Variants in GAS2 observed in about 807,000 individuals in gnomAD.
GAS2 encodes growth arrest specific 2, also known as growth arrest-specific protein 2.
GAS2 carries 20 observed loss-of-function variants against 37.5 expected under a neutral mutation model. The observed-to-expected ratio is 0.53, with a 90% CI of 0.37 to 0.77. The LOEUF (loss-of-function observed/expected upper bound fraction) is 0.77, where lower values mean the gene tolerates loss of function less well. Among genes scored for constraint, GAS2 ranks in the 30% least tolerant of loss-of-function variants. GAS2 has a pLI of 0.00. For missense variants in GAS2, 336 were observed against 373.4 expected (o/e 0.90, Z 0.82); for synonymous variants, 144 against 132.2 (o/e 1.09, Z -0.61).
intron 7 of GAS2, among the ~76,000 whole-genome samples, chr11:22,781,734 G>A (rs1468815979): frequency 6.6e-6 from 1 of 150,456 alleles, no homozygotes. Flanking sequence ...ACATTATAAG[G>A]TCCAAAAAAT....
intron 3 of GAS2, among the ~76,000 whole-genome samples, chr11:22,718,167 A>G (rs573358642): frequency 1.2e-4 from 19 of 152,204 alleles, no homozygotes; most frequent in South Asian, 6.2e-4. Context: ...ACACTTACAC[A>G]CGCATGTTTA....
chr11:22,684,157 C>T lies in GAS2; in HGVS notation c.146-1511C>T, dbSNP rs760550497. On this transcript the variant is annotated intron_variant, in intron 2 of 7. Coordinates refer to ENST00000454584, the MANE Select transcript of GAS2 (RefSeq NM_001143830.3). ...GTGAAGGCAGCCTATAGATAGATCA[C>T]GGAGTAGGGTGTAGGGATGTTAGAT... Among the ~76,000 whole-genome samples, 9 of 152,072 alleles carry T rather than the reference C, an allele frequency of 5.9e-5. No individual in the cohort carries two copies. The South Asian group carries it at 8.3e-4, about 14-fold the overall frequency.
At chr11:22,679,581 G>A (rs1292567661) in intron 2 of GAS2, among the ~76,000 whole-genome samples, 1 of 151,900 alleles carries the variant, frequency 6.6e-6, no homozygotes, top group Non-Finnish European at 1.5e-5. Flanking sequence ...GAATATTATT[G>A]GCTTGGATTT....
At chr11:22,691,715 G>C (rs1164889033) in intron 3 of GAS2, among the ~76,000 whole-genome samples, 1 of 152,136 alleles carries the variant, frequency 6.6e-6, no homozygotes, top group Non-Finnish European at 1.5e-5. Flanking sequence ...GTATGTTGCT[G>C]CCTGAGACTA....
At chr11:22,738,897 A>G (rs1262357002) in intron 5 of GAS2, among the ~76,000 whole-genome samples, 3 of 152,210 alleles carry the variant, frequency 2.0e-5, no homozygotes, top group African/African-American at 2.4e-5. Context: ...AATGTTTTTC[A>G]ATTCAAATTA....
chr11:22,692,592 T>C lies in GAS2; in HGVS notation c.267+6803T>C, dbSNP rs530545964. Among the ~76,000 whole-genome samples the C allele has an allele frequency of 2.0e-3, 308 of 152,322 alleles. 1 individual carries two copies. The highest frequency in any genetic ancestry group is 3.8e-3 in the Non-Finnish European group (260 of 68,030). On this transcript the variant is annotated intron_variant, in intron 3 of 7. Coordinates refer to ENST00000454584, the MANE Select transcript of GAS2 (RefSeq NM_001143830.3). ...AAATAGTCGCATTCTTTTGAGTTTC[T>C]GATTAGCCTTTCCAAAGGAAGCAGT...
Position 22,739,590 on chromosome 11 carries a change from A to G in GAS2, c.473+1822A>G, listed in dbSNP as rs1472712163. On this transcript the variant is annotated intron_variant, in intron 5 of 7. Coordinates refer to ENST00000454584, the MANE Select transcript of GAS2 (RefSeq NM_001143830.3). Reference sequence around the variant, plus strand: ...TCGCTCTCAAAAAAAAAAAAAAAAAAAAAAAAAGAAAGGGGAAGTTAAAAA... The same window carrying G: ...TCGCTCTCAAAAAAAAAAAAAAAAAGAAAAAAAGAAAGGGGAAGTTAAAAA... Among the ~76,000 whole-genome samples the G allele has an allele frequency of 2.7e-5, 4 of 150,722 alleles. No individual in the cohort carries two copies. The East Asian group carries it at 7.7e-4, about 29-fold the overall frequency.
intron 4 of GAS2, among the ~76,000 whole-genome samples, chr11:22,729,679 G>C (rs1590063734): frequency 6.8e-6 from 1 of 147,664 alleles, no homozygotes; most frequent in Admixed American, 6.8e-5. Flanking sequence ...ATGTTAAAAT[G>C]TTGGACCCCT....
intron 7 of GAS2, among the ~76,000 whole-genome samples, chr11:22,797,829 T>C (rs1424274692): frequency 6.6e-6 from 1 of 152,108 alleles, no homozygotes; most frequent in Non-Finnish European, 1.5e-5. Context: ...TCATAAATTG[T>C]TCCAAGCATG....
chr11:22,634,728 T>C (rs180819771), intron 1 of GAS2, among the ~76,000 whole-genome samples: 4 of 152,238 alleles, frequency 2.6e-5, no homozygotes, highest in Admixed American at 2.6e-4. Flanking sequence ...GATCCAGTGA[T>C]AGGACCTGTT....
intron 7 of GAS2, among the ~76,000 whole-genome samples, chr11:22,797,940 A>G (rs1856506599): frequency 6.6e-6 from 1 of 152,086 alleles, no homozygotes; most frequent in Non-Finnish European, 1.5e-5. Context: ...CCCTAAAGAA[A>G]AGAGGTGTTG....
chr11:22,725,994 G>T (rs2134164011), intron 3 of GAS2, among the ~76,000 whole-genome samples: 1 of 152,164 alleles, frequency 6.6e-6, no homozygotes, highest in Admixed American at 6.6e-5. Context: ...TTAGATGAAA[G>T]GGAAGGCCAT....
intron 3 of GAS2, among the ~76,000 whole-genome samples, chr11:22,698,547 C>A (rs1850662362): frequency 6.6e-6 from 1 of 151,160 alleles, no homozygotes; most frequent in Non-Finnish European, 1.5e-5. Context: ...GACACCAAAG[C>A]CAGGCAGAGA....
At chr11:22,686,427 T>C (rs1364162926) in intron 3 of GAS2, among the ~76,000 whole-genome samples, 19 of 151,248 alleles carry the variant, frequency 1.3e-4, no homozygotes, top group Admixed American at 1.3e-3. Flanking sequence ...AATATTAAAA[T>C]AATGTTGGCC....
At chr11:22,768,887 G>T (rs528519037) in intron 7 of GAS2, among the ~76,000 whole-genome samples, 15 of 152,216 alleles carry the variant, frequency 9.9e-5, no homozygotes, top group Admixed American at 6.5e-4. Context: ...TTAGGCATAA[G>T]GTCTCTAAGA....
chr11:22,726,423 G>A lies in GAS2; in HGVS notation c.399G>A (p.Ser133=), dbSNP rs1438009115. ...LGVDETCLFE[S]EGLVLHKQPR... ...TGGATGAAACGTGTCTATTTGAATC[G>A]GAAGGTTTGGGTATGTATTAACTTC... The change falls in exon 4 of 8, where the codon TCG becomes TCA. Residue 133 remains serine (S), a synonymous_variant. Coordinates refer to ENST00000454584, the MANE Select transcript of GAS2 (RefSeq NM_001143830.3). The A allele has an allele frequency of 1.9e-6, 3 of 1,610,932 alleles. No homozygotes were observed. Among genetic ancestry groups the A allele is most frequent in the African/African-American group, 1.3e-5 (1 of 74,656 alleles).
chr11:22,763,182 A>G (rs1186694838), intron 7 of GAS2, among the ~76,000 whole-genome samples: 3 of 152,222 alleles, frequency 2.0e-5, no homozygotes, highest in Non-Finnish European at 4.4e-5. Context: ...ATCAATAGAA[A>G]GGTCACACAC....
At chr11:22,674,483 T>C (rs1479896) in intron 1 of GAS2, among the ~76,000 whole-genome samples, 26,980 of 152,240 alleles carry the variant, frequency 0.18, 2,540 homozygotes, top group South Asian at 0.26. Flanking sequence ...ATCTATGGTT[T>C]TAAATAGCCC....
chr11:22,735,909 G>A (rs1372829753), intron 4 of GAS2, among the ~76,000 whole-genome samples: 2 of 151,438 alleles, frequency 1.3e-5, no homozygotes, highest in South Asian at 2.1e-4. Context: ...CTTAGGATGA[G>A]GGCATTAGCT....
Sources: gnomAD v4.1 joint callset for allele counts (sites outside exome capture counted in the v4.1 genomes callset) on GRCh38, gnomAD v4.1.1 for gene constraint, MANE v1.5 for transcripts, NCBI Gene and HGNC (gene_info 2026-07-23, HGNC 2026-07-21) for gene names.